Variants in ROBO2 observed in about 807,000 individuals in gnomAD.
ROBO2 encodes the protein roundabout guidance receptor 2, also known as roundabout homolog 2.
ROBO2 carries 53 observed loss-of-function variants against 160.8 expected under a neutral mutation model. The ratio of observed to expected loss-of-function variants is 0.33; its 90% CI spans 0.26 to 0.41. The LOEUF (loss-of-function observed/expected upper bound fraction) is 0.41. Among genes scored for constraint, ROBO2 ranks in the 10% least tolerant of loss-of-function variants. The pLI is 1.00. For synonymous variants in ROBO2, 664 were observed against 611.7 expected, an observed-to-expected ratio of 1.09 and a Z score of -1.26; for missense variants, 1,577 against 1,722.4, an observed-to-expected ratio of 0.92 and a Z score of 1.49.
chr3:77,418,343 G>C (rs1346056320), intron 2 of ROBO2, among the ~76,000 whole-genome samples: 3 of 152,186 alleles, frequency 2.0e-5, no homozygotes, highest in Non-Finnish European at 2.9e-5. Context: ...CATATTAGAT[G>C]CATCCATTTT....
chr3:76,981,294 C>T (rs1269536576), intron 2 of ROBO2, among the ~76,000 whole-genome samples: 2 of 152,182 alleles, frequency 1.3e-5, no homozygotes, highest in Non-Finnish European at 2.9e-5. Flanking sequence ...TACCATTTCA[C>T]ATAGCTATCA....
rs146686282 is a variant in ROBO2, at chr3:76,102,918, G to A, written c.109+165316G>A. 1.6e-4 allele frequency among the ~76,000 whole-genome samples: 25 copies of A among 151,540 alleles called. No individual in the cohort carries two copies. In the East Asian group the frequency reaches 4.7e-3, roughly 28 times the overall value. ...CGGCTCACTGCAAGCTCTGCCTCCC[G>A]GGTTCACGCCGTTCTCCTGCCTCAG... On this transcript the variant is annotated intron_variant, in intron 2 of 26. Coordinates refer to the ROBO2 transcript ENST00000487694.
chr3:76,456,731 T>G (rs1482393868), intron 2 of ROBO2, among the ~76,000 whole-genome samples: 1 of 152,132 alleles, frequency 6.6e-6, no homozygotes, highest in Non-Finnish European at 1.5e-5. Context: ...ATGTTGCTGG[T>G]AAAGACGTAC....
chr3:77,235,788 T>C (rs780963944), intron 2 of ROBO2, among the ~76,000 whole-genome samples: 8 of 152,210 alleles, frequency 5.3e-5, no homozygotes, highest in Non-Finnish European at 8.8e-5. Context: ...TCAAATCAGT[T>C]TGAAGTTTAC....
rs2061312567 is a variant in ROBO2 at position 76,761,587 on chromosome 3, T to C, written c.110-336427T>C. On this transcript the variant is annotated intron_variant, in intron 2 of 26. Coordinates refer to the ROBO2 transcript ENST00000487694. The stretch of plus-strand genomic sequence containing the variant: ...ACTTGCCAATTTAAATATTATATAC[T>C]GTCTTTTTTCTCTGATCTAGACTTT... Among the ~76,000 whole-genome samples, 3 of 151,800 alleles carry C rather than the reference T, an allele frequency of 2.0e-5. No individual in the cohort carries two copies. In the South Asian group the frequency reaches 6.2e-4, roughly 31 times the overall value.
intron 2 of ROBO2, among the ~76,000 whole-genome samples, chr3:76,950,232 T>A (rs1354032279): frequency 6.6e-6 from 1 of 152,184 alleles, no homozygotes; most frequent in Non-Finnish European, 1.5e-5. Flanking sequence ...GTTTAAAGAG[T>A]GTAATATTTG....
chr3:77,534,162 G>GT (rs1205200400), intron 6 of ROBO2, among the ~76,000 whole-genome samples: 1 of 152,056 alleles, frequency 6.6e-6, no homozygotes, highest in East Asian at 1.9e-4. Context: ...ATAATTTGTG[G>GT]TTTTGGGGCT....
rs186847707 is a variant in ROBO2 at position 76,414,995 on chromosome 3, C to T, written c.109+477393C>T. On this transcript the variant is annotated intron_variant, in intron 2 of 26. Transcript: ENST00000487694. Reference sequence around the variant, plus strand: ...TTCATGACATCATGGTTGTTATGAGCCTAGAGAATGATGGGTGCTGAAGGA... The same window carrying T: ...TTCATGACATCATGGTTGTTATGAGTCTAGAGAATGATGGGTGCTGAAGGA... 4.6e-5 allele frequency among the ~76,000 whole-genome samples: 7 copies of T among 152,072 alleles called. No individual in the cohort carries two copies. The East Asian group carries it at 1.4e-3, about 30-fold the overall frequency.
chr3:77,456,085 A>G (rs1403934215), intron 2 of ROBO2, among the ~76,000 whole-genome samples: 4 of 152,206 alleles, frequency 2.6e-5, no homozygotes, highest in African/African-American at 9.7e-5. Context: ...AATTCTTAGC[A>G]TCCTATTTAA....
intron 2 of ROBO2, among the ~76,000 whole-genome samples, chr3:76,260,754 C>T (rs557245367): frequency 6.6e-6 from 1 of 152,154 alleles, no homozygotes; most frequent in Middle Eastern, 3.4e-3. Context: ...AAGGATCGCA[C>T]AATAATGCTG....
At chr3:77,192,800 C>T (rs979044050) in intron 2 of ROBO2, among the ~76,000 whole-genome samples, 7 of 151,436 alleles carry the variant, frequency 4.6e-5, no homozygotes, top group Non-Finnish European at 7.4e-5. Context: ...ACTGTGCCAC[C>T]TCACCTGGCT....
chr3:77,376,366 C>T (rs554316917), intron 2 of ROBO2, among the ~76,000 whole-genome samples: 1 of 152,016 alleles, frequency 6.6e-6, no homozygotes, highest in South Asian at 2.1e-4. Context: ...CCATGTTAGA[C>T]AATCTGGTCT....
chr3:76,860,331 C>T (rs543124599), intron 2 of ROBO2, among the ~76,000 whole-genome samples: 4 of 152,198 alleles, frequency 2.6e-5, no homozygotes, highest in Non-Finnish European at 2.9e-5. Flanking sequence ...AAAATGTTTT[C>T]GTAGGGCATT....
At chr3:77,384,555 C>CT (rs2073902298) in intron 2 of ROBO2, among the ~76,000 whole-genome samples, 2 of 152,154 alleles carry the variant, frequency 1.3e-5, no homozygotes, top group South Asian at 4.1e-4. Context: ...TCTCCTATTA[C>CT]TGAGAAGATT....
chr3:77,406,903 A>G (rs947077482), intron 2 of ROBO2, among the ~76,000 whole-genome samples: 4 of 152,176 alleles, frequency 2.6e-5, no homozygotes, highest in African/African-American at 9.7e-5. Flanking sequence ...AATTTAACAC[A>G]TTGGACCTTG....
At chr3:76,050,718 C>T (rs1462489683) in intron 2 of ROBO2, among the ~76,000 whole-genome samples, 1 of 152,194 alleles carries the variant, frequency 6.6e-6, no homozygotes, top group Non-Finnish European at 1.5e-5. Context: ...ACCTGATGGC[C>T]AGAGCTGTTT....
chr3:76,184,353 A>T (rs1266379073), intron 2 of ROBO2, among the ~76,000 whole-genome samples: 1 of 152,128 alleles, frequency 6.6e-6, no homozygotes, highest in East Asian at 1.9e-4. Context: ...AAGAGAAGAC[A>T]GAAGTATGCA....
chr3:76,343,573 T>TTTC (rs2074357411), intron 2 of ROBO2, among the ~76,000 whole-genome samples: 1 of 151,402 alleles, frequency 6.6e-6, no homozygotes, highest in Non-Finnish European at 1.5e-5. Context: ...CCATTGAAAC[T>TTTC]AATGGTAAAA....
At chr3:75,974,091 C>T (rs1229545886) in intron 2 of ROBO2, among the ~76,000 whole-genome samples, 2 of 151,602 alleles carry the variant, frequency 1.3e-5, no homozygotes, top group Admixed American at 6.6e-5. Context: ...ATACTGCAAA[C>T]AGCTTACAGT....
Sources: gnomAD v4.1 joint callset for allele counts (sites outside exome capture counted in the v4.1 genomes callset) on GRCh38, gnomAD v4.1.1 for gene constraint, MANE v1.5 for transcripts, NCBI Gene and HGNC (gene_info 2026-07-23, HGNC 2026-07-21) for gene names.